The following ZCCHC4 variants were observed in gnomAD, a reference collection of about 807,000 sequenced individuals.
ZCCHC4 encodes rRNA N(6)-adenosine-methyltransferase ZCCHC4.
A neutral mutation model predicts 67.7 loss-of-function variants in ZCCHC4; 54 were observed. That is an observed-to-expected ratio of 0.80 (90% CI 0.64 to 1.00). The LOEUF is 1.00. Ranked by LOEUF, ZCCHC4 falls within the 50% of genes least tolerant of loss-of-function variation. ZCCHC4 has a pLI of 0.00. For synonymous variants in ZCCHC4, 198 were observed against 213.5 expected, an observed-to-expected ratio of 0.93 and a Z score of 0.63; for missense variants, 609 against 617.0, an observed-to-expected ratio of 0.99 and a Z score of 0.14.
intron 12 of ZCCHC4, among the ~76,000 whole-genome samples, chr4:25,367,067 A>T (rs1360743414): frequency 1.3e-5 from 2 of 152,172 alleles, no homozygotes; most frequent in African/African-American, 4.8e-5. Context: ...TTTTTTCTTT[A>T]CAATAGTGAA....
intron 3 of ZCCHC4, among the ~76,000 whole-genome samples, chr4:25,318,729 T>C (rs768465936): frequency 6.6e-5 from 10 of 152,198 alleles, no homozygotes; most frequent in Non-Finnish European, 1.3e-4. Context: ...TCATATTTTA[T>C]ATTAATTAGA....
rs116317146 is a variant in ZCCHC4, at chr4:25,354,141, T to G, written c.1011+2452T>G. 2.6e-3 allele frequency among the ~76,000 whole-genome samples: 391 copies of G among 150,240 alleles called. 2 individuals carry two copies. The highest frequency in any genetic ancestry group is 9.1e-3 in the African/African-American group (379 of 41,452). ...TTCTTTTTTCACTATGGGCAAGAGT[T>G]TGAAATGGTGAGAGGACAAAAGAAG... On this transcript the variant is annotated intron_variant, in intron 8 of 12. Coordinates refer to ENST00000302874, the MANE Select transcript of ZCCHC4 (RefSeq NM_024936.3).
chr4:25,340,361 A>G (rs1326288952), intron 5 of ZCCHC4, among the ~76,000 whole-genome samples: 7 of 152,176 alleles, frequency 4.6e-5, no homozygotes, highest in African/African-American at 1.7e-4. Flanking sequence ...ATCTATGCCC[A>G]TCCCTATGCC....
chr4:25,351,898 A>G (rs1720318048), intron 8 of ZCCHC4, among the ~76,000 whole-genome samples: 1 of 152,158 alleles, frequency 6.6e-6, no homozygotes, highest in Non-Finnish European at 1.5e-5. Context: ...AAATAAACCC[A>G]CTAAATCAGA....
intron 7 of ZCCHC4, among the ~76,000 whole-genome samples, chr4:25,349,918 A>C (rs1383502736): frequency 6.6e-6 from 1 of 152,120 alleles, no homozygotes; most frequent in East Asian, 1.9e-4. Context: ...AACTGCTGTC[A>C]TTCTATTCAG....
chr4:25,328,418 T>G (rs1719003810), intron 3 of ZCCHC4, among the ~76,000 whole-genome samples: 1 of 152,076 alleles, frequency 6.6e-6, no homozygotes, highest in African/African-American at 2.4e-5. Flanking sequence ...TTTTGTATTT[T>G]TCGTAGAGAT....
chr4:25,339,808 C>T (rs1484891070), intron 5 of ZCCHC4, among the ~76,000 whole-genome samples: 1 of 151,906 alleles, frequency 6.6e-6, no homozygotes, highest in Non-Finnish European at 1.5e-5. Context: ...AGTGTCTATA[C>T]CCATGTTTTC....
chr4:25,329,801 T>C (rs1719088019), intron 3 of ZCCHC4, among the ~76,000 whole-genome samples: 1 of 152,128 alleles, frequency 6.6e-6, no homozygotes, highest in Non-Finnish European at 1.5e-5. Context: ...CCATAAGTGC[T>C]GGGATTACAG....
chr4:25,343,559 A>T (rs918889395), intron 5 of ZCCHC4, among the ~76,000 whole-genome samples: 1 of 152,228 alleles, frequency 6.6e-6, no homozygotes, highest in Admixed American at 6.5e-5. Flanking sequence ...TCTTATTGTT[A>T]TCCAGTCCTA....
In ZCCHC4 at chr4:25,333,213, T is replaced by C; in HGVS notation, c.360T>C (p.Thr120=). ...TGAAGTTTATTGAGTTGCCCTTGAC[T>C]CAGAGAAAGTTTTGTCAAACATGTC... ...RYLKFIELPL[T]QRKFCQTCQQ... is the part of the protein sequence containing the mutation. The change falls in exon 4 of 13, where the codon ACT becomes ACC. Residue 120 remains threonine (T), a synonymous_variant. Transcript: ENST00000302874. 1 of 1,614,130 alleles carries C rather than the reference T, an allele frequency of 6.2e-7. No individual in the cohort carries two copies. Among genetic ancestry groups the C allele is most frequent in the Non-Finnish European group, 8.5e-7 (1 of 1,179,976 alleles).
chr4:25,341,219 C>T (rs1017727258), intron 5 of ZCCHC4, among the ~76,000 whole-genome samples: 17 of 152,166 alleles, frequency 1.1e-4, no homozygotes, highest in Non-Finnish European at 2.1e-4. Flanking sequence ...ATCCAGTCAT[C>T]GTAGGCTATT....
chr4:25,366,355 G>T, intron 12 of ZCCHC4: 2 of 742,400 alleles, frequency 2.7e-6, no homozygotes, highest in Non-Finnish European at 3.2e-6. Flanking sequence ...TTGCTCTGTC[G>T]CCCAGGCTGG....
chr4:25,360,803 G>A (rs911422275), intron 8 of ZCCHC4, among the ~76,000 whole-genome samples: 31 of 152,178 alleles, frequency 2.0e-4, no homozygotes, highest in African/African-American at 7.2e-4. Flanking sequence ...CCTGATGGGG[G>A]GGCATGATAC....
intron 3 of ZCCHC4, among the ~76,000 whole-genome samples, chr4:25,324,436 G>A (rs1020790283): frequency 2.0e-5 from 3 of 152,124 alleles, no homozygotes; most frequent in African/African-American, 7.2e-5. Flanking sequence ...ATGTTCCACT[G>A]TATGGATATT....
At chr4:25,324,017 T>TTTTTTTTTTTTTTTG (rs1206905622) in intron 3 of ZCCHC4, among the ~76,000 whole-genome samples, 1 of 120,810 alleles carries the variant, frequency 8.3e-6, no homozygotes, top group Admixed American at 8.4e-5. Context: ...TTTTTGTGTT[T>TTTTTTTTTTTTTTTG]TTTTTTTTTT....
intron 6 of ZCCHC4, among the ~76,000 whole-genome samples, chr4:25,346,088 C>T (rs1259866636): frequency 2.0e-5 from 3 of 152,114 alleles, no homozygotes; most frequent in Non-Finnish European, 4.4e-5. Flanking sequence ...CTCCCCCGAC[C>T]CCTACTCCCC....
chr4:25,344,615 T>TAATAA (rs918590114), intron 5 of ZCCHC4, among the ~76,000 whole-genome samples: 8 of 151,252 alleles, frequency 5.3e-5, no homozygotes, highest in Non-Finnish European at 1.0e-4. Context: ...AGTATAATAA[T>TAATAA]AATAAAATAA....
Position 25,361,875 on chromosome 4 carries a change from A to T in ZCCHC4, c.1028A>T (p.His343Leu). The T allele has an allele frequency of 6.2e-7, 1 of 1,611,476 alleles. No individual in the cohort carries two copies. The highest frequency in any genetic ancestry group is 1.1e-5 in the South Asian group (1 of 90,418). Reference protein sequence around the residue: ...MLDYQVDYDNHALYKHGKTGR... With the variant: ...MLDYQVDYDNLALYKHGKTGR... ...ACTTTCTAGGTAGATTATGATAATC[A>T]TGCACTTTATAAACACGGAAAGACA... is the stretch of plus-strand genomic sequence containing the variant. Residue 343 changes from histidine (H) to leucine (L), a missense_variant, in exon 9 of 13, where the codon CAT (histidine) becomes CTT (leucine). Transcript: ENST00000302874.
At chr4:25,340,939 A>T (rs894611599) in intron 5 of ZCCHC4, among the ~76,000 whole-genome samples, 11 of 152,116 alleles carry the variant, frequency 7.2e-5, no homozygotes, top group African/African-American at 2.7e-4. Flanking sequence ...AAGTCTGCTC[A>T]TTATGAAGAT....
Sources: allele counts gnomAD v4.1 joint callset (sites outside exome capture counted in the v4.1 genomes callset), GRCh38; gene constraint gnomAD v4.1.1; transcripts MANE v1.5; gene names NCBI Gene and HGNC (gene_info 2026-07-23, HGNC 2026-07-21).